The following RASGEF1A variants were observed in gnomAD, a reference collection of about 807,000 sequenced individuals.
The protein encoded by RASGEF1A is RasGEF domain family member 1A.
In RASGEF1A, 18 loss-of-function variants were observed where a neutral mutation model predicts 56.4. The ratio of observed to expected loss-of-function variants is 0.32; its 90% CI spans 0.22 to 0.47. The LOEUF (loss-of-function observed/expected upper bound fraction) is 0.47. RASGEF1A is among the 20% of genes least tolerant of loss of function. RASGEF1A has a pLI of 1.00. For synonymous variants in RASGEF1A, 245 were observed against 242.6 expected, an observed-to-expected ratio of 1.01 and a Z score of -0.09; for missense variants, 422 against 627.1, an observed-to-expected ratio of 0.67 and a Z score of 3.49.
chr10:43,203,752 G>C, intron 2 of RASGEF1A: 1 of 1,074,810 alleles, frequency 9.3e-7, no homozygotes, highest in South Asian at 2.8e-5. Context: ...GGGCTCCATG[G>C]TGCTCGCTGC....
At position 43,196,107 on chromosome 10, in the gene RASGEF1A, T is replaced by C; in HGVS notation, c.*137A>G. ...TGCCAAAGGTTGATGCGTGAAATAA[T>C]TACCATTTTTTTCTCATAAAAGTTA... On this transcript the variant is annotated 3_prime_UTR_variant, in exon 13 of 13. Coordinates refer to ENST00000395810, the MANE Select transcript of RASGEF1A (RefSeq NM_145313.4). This position sits in a 1 kb window ranked among gnomAD's most constrained non-coding sequence, Gnocchi z 4.6. 1 of 803,094 alleles carries C rather than the reference T, an allele frequency of 1.2e-6. No homozygotes were observed. The highest frequency in any genetic ancestry group is 2.5e-5 in the East Asian group (1 of 39,292). 49.7% of individuals were successfully genotyped at this position (803,094 alleles called of 1,614,324 possible). A position where few individuals can be genotyped will look rare whatever the true frequency, so the allele number is the denominator to read the frequency against.
chr10:43,202,648 GC>G (rs1207600754), intron 3 of RASGEF1A: 2 of 459,762 alleles, frequency 4.4e-6, no homozygotes, highest in African/African-American at 2.1e-5. Context: ...CCCGCCCCCG[GC>G]CCCCGCACCA....
intron 3 of RASGEF1A, among the ~76,000 whole-genome samples, chr10:43,202,405 C>G (rs537960774): frequency 1.2e-4 from 19 of 152,282 alleles, no homozygotes; most frequent in African/African-American, 4.6e-4. Context: ...CATGCACGAC[C>G]CCACCCAGCA....
chr10:43,214,379 C>T (rs1377532426), intron 1 of RASGEF1A, among the ~76,000 whole-genome samples: 1 of 152,226 alleles, frequency 6.6e-6, no homozygotes, highest in African/African-American at 2.4e-5. Flanking sequence ...GGCTTGACAC[C>T]ACCGTGGCCT....
At chr10:43,262,911 G>A (rs1484957374) in intron 1 of RASGEF1A, among the ~76,000 whole-genome samples, 1 of 152,244 alleles carries the variant, frequency 6.6e-6, no homozygotes, top group Non-Finnish European at 1.5e-5. Context: ...GAGGTCTAGA[G>A]TGGGGTGTGC....
At chr10:43,235,008 C>T (rs2033977969) in intron 1 of RASGEF1A, among the ~76,000 whole-genome samples, 2 of 152,346 alleles carry the variant, frequency 1.3e-5, no homozygotes, top group South Asian at 4.1e-4. Context: ...CCTAAACACA[C>T]CCACAGGCTC....
intron 1 of RASGEF1A, chr10:43,207,402 AC>A (rs1840011780): frequency 2.4e-6 from 2 of 843,328 alleles, no homozygotes; most frequent in South Asian, 1.3e-4. Flanking sequence ...ACACACACAC[AC>A]ACACACACAC....
intron 1 of RASGEF1A, among the ~76,000 whole-genome samples, chr10:43,228,930 G>A (rs1359752277): frequency 1.3e-5 from 2 of 152,236 alleles, no homozygotes; most frequent in Non-Finnish European, 2.9e-5. Context: ...GCCAGGGCTG[G>A]CCGGGGCTCA....
At chr10:43,205,252 G>T (rs1049309388) in intron 2 of RASGEF1A, among the ~76,000 whole-genome samples, 3 of 152,208 alleles carry the variant, frequency 2.0e-5, no homozygotes, top group Non-Finnish European at 2.9e-5. Context: ...TCACAAGAGG[G>T]AGCTGGCAGG....
At chr10:43,227,040 G>A (rs1840288249) in intron 1 of RASGEF1A, among the ~76,000 whole-genome samples, 1 of 152,234 alleles carries the variant, frequency 6.6e-6, no homozygotes, top group Admixed American at 6.5e-5. Context: ...GCTTCATGAA[G>A]GAGGTGATTC....
chr10:43,196,984 C>T lies in RASGEF1A; in HGVS notation c.1340G>A (p.Ser447Asn), dbSNP rs1410019334. Residue 447 changes from serine to asparagine, a missense_variant, in exon 11 of 13, where the codon AGC becomes AAC. By Grantham distance (46) the Ser-to-Asn change is conservative (BLOSUM62 1). Transcript: ENST00000395810. The surrounding 1 kb of genome is among the most constrained non-coding windows in gnomAD (Gnocchi z 4.6). ...TGGGAGGCAGCCCTCACCTTCCTCG[C>T]TGTAGATGGGCGCCGTGAGCAGGTA... ...QSYLLTAPIY[S>N]EEALFVASFE... The T allele has an allele frequency of 6.2e-7, 1 of 1,613,446 alleles. No individual in the cohort carries two copies. Among genetic ancestry groups the T allele is most frequent in the Admixed American group, 1.7e-5 (1 of 60,004 alleles).
intron 1 of RASGEF1A, among the ~76,000 whole-genome samples, chr10:43,241,158 T>C (rs1413101633): frequency 6.6e-6 from 1 of 152,226 alleles, no homozygotes; most frequent in Non-Finnish European, 1.5e-5. Context: ...AAGGTAACTT[T>C]ACTGGTTTTA....
chr10:43,197,850 C>A (rs1014260880), intron 10 of RASGEF1A, among the ~76,000 whole-genome samples, 154 bp downstream of exon 10: 17 of 152,188 alleles, frequency 1.1e-4, no homozygotes, highest in African/African-American at 4.1e-4. Flanking sequence ...AACAGCACCC[C>A]GTGACCCACT....
At chr10:43,215,617 G>C (rs527656323) in intron 1 of RASGEF1A, among the ~76,000 whole-genome samples, 1 of 152,210 alleles carries the variant, frequency 6.6e-6, no homozygotes, top group Non-Finnish European at 1.5e-5. Context: ...GCACTGGGGT[G>C]GGGAAGGAGG....
intron 1 of RASGEF1A, among the ~76,000 whole-genome samples, chr10:43,215,741 G>C (rs1419035130): frequency 2.6e-5 from 4 of 152,214 alleles, no homozygotes; most frequent in East Asian, 3.9e-4. Flanking sequence ...TCTGGCCCCA[G>C]AGAGCACCCC....
intron 1 of RASGEF1A, among the ~76,000 whole-genome samples, chr10:43,220,288 C>T (rs1023542740): frequency 1.3e-5 from 2 of 152,188 alleles, no homozygotes; most frequent in African/African-American, 4.8e-5. Context: ...CGCTTGAGCC[C>T]AGGAGTTCAA....
At chr10:43,261,779 T>A (rs1287455814) in intron 1 of RASGEF1A, among the ~76,000 whole-genome samples, 1 of 152,166 alleles carries the variant, frequency 6.6e-6, no homozygotes, top group African/African-American at 2.4e-5. Flanking sequence ...GGCTCGGGGC[T>A]GCACATTACC....
chr10:43,245,328 G>A (rs1258553369), intron 1 of RASGEF1A, among the ~76,000 whole-genome samples: 2 of 152,132 alleles, frequency 1.3e-5, no homozygotes, highest in East Asian at 1.9e-4. Flanking sequence ...CAGGGCCAAA[G>A]TCACTGGTGA....
chr10:43,266,491 A>T (rs11238496), intron 1 of RASGEF1A, among the ~76,000 whole-genome samples: 52,198 of 150,710 alleles, frequency 0.35, 9,543 homozygotes, highest in Non-Finnish European at 0.39. Flanking sequence ...GGCCCCGGGC[A>T]GCGAACCTGC....
Sources: allele counts gnomAD v4.1 joint callset (sites outside exome capture counted in the v4.1 genomes callset), GRCh38; gene constraint gnomAD v4.1.1; non-coding constraint Gnocchi (gnomAD v3.1); transcripts MANE v1.5; gene names NCBI Gene and HGNC (gene_info 2026-07-23, HGNC 2026-07-21).